The following ATP10B variants were observed in gnomAD, a reference collection of about 807,000 sequenced individuals.
ATP10B encodes ATPase phospholipid transporting 10B (putative).
In ATP10B, 122 loss-of-function variants were observed where a neutral mutation model predicts 141.2. That is an observed-to-expected ratio of 0.86 (90% CI 0.75 to 1.00). The LOEUF (loss-of-function observed/expected upper bound fraction) is 1.00, where lower values mean the gene tolerates loss of function less well. Ranked by LOEUF, ATP10B falls within the 50% of genes least tolerant of loss-of-function variation. ATP10B has a pLI of 0.00. For missense variants in ATP10B, 1,876 were observed against 1,825.3 expected (o/e 1.03, Z -0.51); for synonymous variants, 685 against 692.0 (o/e 0.99, Z 0.16).
chr5:160,814,558 T>C (rs1269633004), intron 1 of ATP10B, among the ~76,000 whole-genome samples: 2 of 148,298 alleles, frequency 1.3e-5, no homozygotes, highest in African/African-American at 4.9e-5. Context: ...AGGAAAACCC[T>C]CTGCAGGATA....
At chr5:160,865,130 A>C in the ATP10B span, among the ~76,000 whole-genome samples, 1 of 152,174 alleles carries the variant, frequency 6.6e-6, no homozygotes, top group Non-Finnish European at 1.5e-5. Context: ...CTACTAGGCA[A>C]AAAGTACAAA....
At chr5:160,680,794 G>T (rs755311258) in intron 6 of ATP10B, among the ~76,000 whole-genome samples, 7 of 152,174 alleles carry the variant, frequency 4.6e-5, no homozygotes, top group Non-Finnish European at 1.0e-4. Context: ...CCCATCTCTT[G>T]CCCCTAGGGA....
the ATP10B span, among the ~76,000 whole-genome samples, chr5:160,929,041 C>T: frequency 6.6e-6 from 1 of 152,178 alleles, no homozygotes; most frequent in Non-Finnish European, 1.5e-5. Context: ...TCCCTGGGAT[C>T]CTGTTGCTGC....
chr5:160,925,371 A>G, the ATP10B span, among the ~76,000 whole-genome samples: 1 of 152,232 alleles, frequency 6.6e-6, no homozygotes, highest in Non-Finnish European at 1.5e-5. Flanking sequence ...CGATTTGTAT[A>G]ACTCTGACAA....
At chr5:160,764,751 A>G in intron 2 of ATP10B, among the ~76,000 whole-genome samples, 1 of 152,200 alleles carries the variant, frequency 6.6e-6, no homozygotes, top group East Asian at 1.9e-4. Context: ...GGGCATCCAC[A>G]TTGACAAAGA....
At chr5:160,874,647 A>C in the ATP10B span, among the ~76,000 whole-genome samples, 2 of 152,204 alleles carry the variant, frequency 1.3e-5, no homozygotes, top group East Asian at 3.9e-4. Context: ...AAAAATGTAG[A>C]AGAATGTATA....
intron 24 of ATP10B, among the ~76,000 whole-genome samples, chr5:160,579,412 A>C (rs1208689625): frequency 1.3e-5 from 2 of 152,214 alleles, no homozygotes; most frequent in African/African-American, 4.8e-5. Flanking sequence ...AACACCATTT[A>C]TTAAATAGGG....
At chr5:160,610,776 A>G (rs1478793365) in intron 18 of ATP10B, among the ~76,000 whole-genome samples, 1 of 152,238 alleles carries the variant, frequency 6.6e-6, no homozygotes, top group Admixed American at 6.5e-5. Context: ...TAGTGGTTTT[A>G]GTATTAGTTC....
At chr5:160,786,082 C>T (rs1014041494) in intron 1 of ATP10B, among the ~76,000 whole-genome samples, 1 of 152,182 alleles carries the variant, frequency 6.6e-6, no homozygotes, top group Non-Finnish European at 1.5e-5. Context: ...GAAATGTGTG[C>T]TGGTCCAGCC....
chr5:160,598,933 CAGA>C lies in ATP10B; in HGVS notation c.3398_3400del (p.Phe1133del), dbSNP rs774123754. 2 of 1,614,160 alleles carry C rather than the reference CAGA, an allele frequency of 1.2e-6. No homozygotes were observed. Among genetic ancestry groups the C allele is most frequent in the Non-Finnish European group, 1.7e-6 (2 of 1,180,000 alleles). ...AATCATGGTGGAGCTGGAGAAACCA[CAGA>C]AGAACTGATACCAGAAGAGCAGGTT... On this transcript the variant is annotated inframe_deletion, in exon 22 of 26. Transcript: ENST00000327245.
At chr5:160,895,751 C>A in the ATP10B span, among the ~76,000 whole-genome samples, 1 of 151,950 alleles carries the variant, frequency 6.6e-6, no homozygotes, top group Admixed American at 6.6e-5. Flanking sequence ...ATACATTCTT[C>A]TCAGCACCAC....
chr5:160,849,077 G>A (rs1163867183), intron 1 of ATP10B, among the ~76,000 whole-genome samples: 3 of 152,136 alleles, frequency 2.0e-5, no homozygotes, highest in Non-Finnish European at 4.4e-5. Flanking sequence ...AATAGTTCCC[G>A]AGTAATTCTG....
At chr5:160,845,586 G>GT (rs1461461263) in intron 1 of ATP10B, among the ~76,000 whole-genome samples, 1 of 152,016 alleles carries the variant, frequency 6.6e-6, no homozygotes, top group Admixed American at 6.6e-5. Context: ...TGAACAAAAA[G>GT]TTTTTTTAAA....
chr5:160,899,591 A>C, the ATP10B span, among the ~76,000 whole-genome samples: 1 of 152,200 alleles, frequency 6.6e-6, no homozygotes, highest in Non-Finnish European at 1.5e-5. Flanking sequence ...CCCCCAAAAA[A>C]GATTTATACT....
chr5:160,888,439 G>T, the ATP10B span, among the ~76,000 whole-genome samples: 22,863 of 152,150 alleles, frequency 0.15, 2,011 homozygotes, highest in African/African-American at 0.23. Flanking sequence ...GAAGTCTCTC[G>T]ATGTCTAGGC....
At chr5:160,582,568 T>G (rs1755625122) in intron 24 of ATP10B, among the ~76,000 whole-genome samples, 1 of 152,214 alleles carries the variant, frequency 6.6e-6, no homozygotes, top group South Asian at 2.1e-4. Context: ...CTGGTTGCCC[T>G]TAGTATTTTT....
intron 2 of ATP10B, among the ~76,000 whole-genome samples, chr5:160,740,097 C>T (rs950378269): frequency 6.6e-6 from 1 of 152,162 alleles, no homozygotes; most frequent in Non-Finnish European, 1.5e-5. Context: ...CAGACAAGAC[C>T]CATTAATAAA....
intron 1 of ATP10B, among the ~76,000 whole-genome samples, chr5:160,797,948 GAAAAAA>G (rs34913318): frequency 3.1e-5 from 4 of 127,550 alleles, no homozygotes; most frequent in East Asian, 4.4e-4. Flanking sequence ...AAGAAAAAAA[GAAAAAA>G]AAAAAAAAAG....
chr5:160,641,230 G>A (rs1313965925), intron 9 of ATP10B, among the ~76,000 whole-genome samples: 3 of 152,210 alleles, frequency 2.0e-5, no homozygotes, highest in Non-Finnish European at 4.4e-5. Context: ...AGAGTTGGCA[G>A]CAGAGTTTTA....
Sources: allele counts gnomAD v4.1 joint callset (sites outside exome capture counted in the v4.1 genomes callset), GRCh38; gene constraint gnomAD v4.1.1; transcripts MANE v1.5; gene names NCBI Gene and HGNC (gene_info 2026-07-23, HGNC 2026-07-21).